The following TMEM132D variants were observed in gnomAD, a reference collection of about 807,000 sequenced individuals.
TMEM132D encodes the protein mature OL transmembrane protein.
In TMEM132D, 21 loss-of-function variants were observed where a neutral mutation model predicts 62.3. The ratio of observed to expected loss-of-function variants is 0.34; its 90% CI spans 0.24 to 0.49. TMEM132D has a LOEUF of 0.49. Ranked by LOEUF, TMEM132D falls within the 20% of genes least tolerant of loss-of-function variation. TMEM132D has a pLI of 0.99. For missense variants in TMEM132D, 1,346 were observed against 1,402.8 expected (o/e 0.96, Z 0.65); for synonymous variants, 621 against 575.6 (o/e 1.08, Z -1.13).
intron 4 of TMEM132D, among the ~76,000 whole-genome samples, chr12:129,294,989 CT>C (rs1045971257): frequency 3.9e-5 from 6 of 152,132 alleles, no homozygotes; most frequent in African/African-American, 1.2e-4. Context: ...CTGAGTGTTT[CT>C]GTTAGGGTGT....
intron 2 of TMEM132D, among the ~76,000 whole-genome samples, chr12:129,584,761 G>A (rs1317196450): frequency 6.6e-6 from 1 of 152,162 alleles, no homozygotes; most frequent in Non-Finnish European, 1.5e-5. Context: ...AGGAAAGACT[G>A]GCATGTTCTC....
chr12:129,628,809 A>G (rs1478118054), intron 2 of TMEM132D, among the ~76,000 whole-genome samples: 2 of 152,150 alleles, frequency 1.3e-5, no homozygotes, highest in Non-Finnish European at 2.9e-5. Flanking sequence ...GAATAAAGCC[A>G]GAATCCCTTA....
At chr12:129,180,638 C>G (rs938566767) in intron 5 of TMEM132D, among the ~76,000 whole-genome samples, 40 of 152,148 alleles carry the variant, frequency 2.6e-4, no homozygotes, top group African/African-American at 9.7e-4. Flanking sequence ...GTTAAAGAAG[C>G]AGGCAGTCAG....
chr12:129,634,473 C>CAAA (rs71451324), intron 2 of TMEM132D, among the ~76,000 whole-genome samples: 4,439 of 129,406 alleles, frequency 0.034, 90 homozygotes, highest in Middle Eastern at 0.05. Context: ...AACCTTGTCT[C>CAAA]AAAAAAAAAA....
intron 3 of TMEM132D, among the ~76,000 whole-genome samples, chr12:129,481,133 G>T (rs1874417368): frequency 6.6e-6 from 1 of 151,698 alleles, no homozygotes; most frequent in Admixed American, 6.6e-5. Context: ...TCTAGAACAG[G>T]TCATTCCTTT....
intron 3 of TMEM132D, among the ~76,000 whole-genome samples, chr12:129,418,211 G>T (rs1432761938): frequency 2.0e-5 from 3 of 152,182 alleles, no homozygotes; most frequent in Non-Finnish European, 4.4e-5. Flanking sequence ...CCATTACTGG[G>T]TATACACCCA....
At chr12:129,738,457 T>G (rs922998487) in intron 1 of TMEM132D, among the ~76,000 whole-genome samples, 3 of 152,186 alleles carry the variant, frequency 2.0e-5, no homozygotes, top group Non-Finnish European at 2.9e-5. Flanking sequence ...GTTGTGTGAA[T>G]GCAACAACAT....
intron 1 of TMEM132D, among the ~76,000 whole-genome samples, chr12:129,801,060 G>A (rs1485571348): frequency 2.0e-5 from 3 of 152,208 alleles, no homozygotes; most frequent in East Asian, 3.9e-4. Context: ...GGCTCGGAGG[G>A]TCCTGGCCCA....
chr12:129,319,879 C>G (rs1868625528), intron 4 of TMEM132D, among the ~76,000 whole-genome samples: 1 of 152,164 alleles, frequency 6.6e-6, no homozygotes, highest in Admixed American at 6.5e-5. Flanking sequence ...AATAAAAATG[C>G]TCTATCACAG....
chr12:129,101,486 A>G (rs1279750555), intron 5 of TMEM132D, among the ~76,000 whole-genome samples: 1 of 152,248 alleles, frequency 6.6e-6, no homozygotes, highest in East Asian at 1.9e-4. Context: ...TGGAGATGTG[A>G]GCACCAAGCA....
rs975654011 is a variant in TMEM132D, at chr12:129,763,452, T to C, written c.80-62754A>G. Among the ~76,000 whole-genome samples the C allele has an allele frequency of 1.0e-4, 13 of 127,518 alleles. 2 individuals carry two copies. Among genetic ancestry groups the C allele is most frequent in the Admixed American group, 9.2e-4 (11 of 11,912 alleles). The allele number at this position is 127,518 out of a possible 152,430, so 83.7% of individuals were successfully genotyped here. The stretch of plus-strand genomic sequence containing the variant: ...TCTGGCTTTTTTTTTTTTTCTGAAA[T>C]AGTAAAATATCAGCAGCTTTAGGTT... On this transcript the variant is annotated intron_variant, in intron 1 of 8. Coordinates refer to ENST00000422113, the MANE Select transcript of TMEM132D (RefSeq NM_133448.3).
intron 1 of TMEM132D, chr12:129,840,166 C>A (rs957381474): frequency 6.6e-6 from 1 of 152,098 alleles, no homozygotes; most frequent in Admixed American, 6.5e-5. Context: ...TTGCACACAC[C>A]CTGGGTGAGA....
At chr12:129,538,658 A>G (rs535365763) in intron 2 of TMEM132D, among the ~76,000 whole-genome samples, 3 of 152,364 alleles carry the variant, frequency 2.0e-5, no homozygotes, top group African/African-American at 4.8e-5. Context: ...ATGAAAATAT[A>G]CTGCAATACA....
At chr12:129,408,414 G>T (rs1277307436) in intron 3 of TMEM132D, among the ~76,000 whole-genome samples, 6 of 150,338 alleles carry the variant, frequency 4.0e-5, no homozygotes, top group African/African-American at 1.5e-4. Context: ...TTACTTTGTG[G>T]TGAGTCAATC....
At chr12:129,548,830 T>C (rs1876811983) in intron 2 of TMEM132D, among the ~76,000 whole-genome samples, 1 of 152,250 alleles carries the variant, frequency 6.6e-6, no homozygotes, top group South Asian at 2.1e-4. Context: ...CACATTTAAG[T>C]ATTTCAACAA....
chr12:129,641,228 A>C (rs537774050), intron 2 of TMEM132D, among the ~76,000 whole-genome samples: 248 of 152,320 alleles, frequency 1.6e-3, no homozygotes, highest in African/African-American at 5.7e-3. Flanking sequence ...GTAAGGCACG[A>C]CAAAAAGACA....
intron 1 of TMEM132D, among the ~76,000 whole-genome samples, chr12:129,862,619 C>A (rs1488257405): frequency 6.6e-6 from 1 of 152,156 alleles, no homozygotes; most frequent in African/African-American, 2.4e-5. Flanking sequence ...ATGTTGACAT[C>A]CTTAAAAGAA....
chr12:129,331,103 T>C (rs1869088550), intron 4 of TMEM132D, among the ~76,000 whole-genome samples: 1 of 152,170 alleles, frequency 6.6e-6, no homozygotes, highest in Non-Finnish European at 1.5e-5. Context: ...GAAGACCCTG[T>C]GGTGGATGTG....
At chr12:129,526,202 A>C (rs1000255972) in intron 3 of TMEM132D, among the ~76,000 whole-genome samples, 8 of 152,146 alleles carry the variant, frequency 5.3e-5, no homozygotes, top group African/African-American at 1.9e-4. Context: ...TCATCATCCT[A>C]TGGAAATCCC....
Sources: allele counts gnomAD v4.1 joint callset (sites outside exome capture counted in the v4.1 genomes callset), GRCh38; gene constraint gnomAD v4.1.1; transcripts MANE v1.5; gene names NCBI Gene and HGNC (gene_info 2026-07-23, HGNC 2026-07-21).